OVCH1: variants seen among roughly 807,000 people sequenced by gnomAD.
OVCH1 encodes ovochymase 1.
OVCH1 carries 139 observed loss-of-function variants against 138.4 expected under a neutral mutation model. The ratio of observed to expected loss-of-function variants is 1.00; its 90% CI spans 0.87 to 1.16. OVCH1 has a LOEUF of 1.16. Among genes scored for constraint, OVCH1 ranks in the 50% most tolerant of loss-of-function variants. The pLI, the probability that OVCH1 is intolerant of heterozygous loss-of-function variation, is 0.00. For synonymous variants in OVCH1, 453 were observed against 467.8 expected, an observed-to-expected ratio of 0.97 and a Z score of 0.41; for missense variants, 1,367 against 1,357.9, an observed-to-expected ratio of 1.01 and a Z score of -0.11.
chr12:29,424,599 GCA>G (rs1204481714), downstream of OVCH1, among the ~76,000 whole-genome samples: 1 of 152,088 alleles, frequency 6.6e-6, no homozygotes, highest in Non-Finnish European at 1.5e-5. Context: ...GTGCTTACAG[GCA>G]CAGATTCTAA....
exon 5 of OVCH1, chr12:29,412,502 A>G (rs144838681): frequency 2.6e-5 from 4 of 152,306 alleles, no homozygotes; most frequent in Non-Finnish European, 5.9e-5. Context: ...CATTATTTTA[A>G]AAGACTTTTC....
At chr12:29,462,494 G>A (rs1009964338) in intron 18 of OVCH1, among the ~76,000 whole-genome samples, 6 of 150,236 alleles carry the variant, frequency 4.0e-5, no homozygotes, top group South Asian at 4.2e-4. Context: ...AAGCCTAATC[G>A]CATCTCCAAT....
chr12:29,441,344 A>G (rs1941480504), intron 25 of OVCH1, among the ~76,000 whole-genome samples: 1 of 152,194 alleles, frequency 6.6e-6, no homozygotes, highest in African/African-American at 2.4e-5. Context: ...ATCTTTGACA[A>G]ACCTGACAAA....
intron 12 of OVCH1, among the ~76,000 whole-genome samples, chr12:29,476,807 AGG>A (rs1942749863): frequency 3.1e-5 from 1 of 32,164 alleles, no homozygotes; most frequent in African/African-American, 1.5e-4. Flanking sequence ...ACACACACAC[AGG>A]TTAGTAAATG....
At chr12:29,413,037 T>C (rs1224700713) in intron 3 of OVCH1, among the ~76,000 whole-genome samples, 1 of 152,056 alleles carries the variant, frequency 6.6e-6, no homozygotes, top group Non-Finnish European at 1.5e-5. Context: ...TTTTTTTTTT[T>C]TTCTTTTGGA....
intron 18 of OVCH1, 97 bp from the exon 19 acceptor site, chr12:29,462,105 A>G: frequency 2.3e-6 from 3 of 1,332,568 alleles, no homozygotes; most frequent in South Asian, 1.4e-5. Context: ...GTACCAACAT[A>G]GCTGAAGTCA....
exon 25 of OVCH1, chr12:29,443,448 T>C: frequency 6.2e-7 from 1 of 1,611,042 alleles, no homozygotes; most frequent in Non-Finnish European, 8.5e-7. Flanking sequence ...GGGAAGTTAA[T>C]AATATTAAGC....
chr12:29,488,620 C>CAAAAAAAAAAAAAAAAAGAAAAAAA (rs1943183497), intron 6 of OVCH1, among the ~76,000 whole-genome samples: 1 of 61,752 alleles, frequency 1.6e-5, no homozygotes, highest in Non-Finnish European at 2.9e-5. Context: ...GACTCCATCT[C>CAAAAAAAAAAAAAAAAAGAAAAAAA]AAAAAAAAAA....
At chr12:29,481,170 C>G (rs961049674) in intron 8 of OVCH1, among the ~76,000 whole-genome samples, 2 of 151,946 alleles carry the variant, frequency 1.3e-5, no homozygotes, top group Non-Finnish European at 2.9e-5. Flanking sequence ...TAATTTTTTA[C>G]CTCTCCCTAC....
intron 3 of OVCH1, among the ~76,000 whole-genome samples, chr12:29,422,511 T>C (rs1941119878): frequency 6.6e-6 from 1 of 152,088 alleles, no homozygotes; most frequent in South Asian, 2.1e-4. Flanking sequence ...ATTAATTAGG[T>C]TTTTAATTGA....
At chr12:29,474,068 C>T (rs1416050445) in intron 14 of OVCH1, among the ~76,000 whole-genome samples, 2 of 116,470 alleles carry the variant, frequency 1.7e-5, no homozygotes, top group African/African-American at 3.5e-5. Context: ...TAAACACACA[C>T]ACACATACAC....
chr12:29,424,094 C>G (rs911427549), downstream of OVCH1, among the ~76,000 whole-genome samples: 2 of 152,114 alleles, frequency 1.3e-5, no homozygotes, highest in African/African-American at 4.8e-5. Flanking sequence ...CTGAGAGCCT[C>G]AAACAGAGAT....
chr12:29,404,774 G>C, the OVCH1 span, among the ~76,000 whole-genome samples: 1 of 152,050 alleles, frequency 6.6e-6, no homozygotes, highest in Non-Finnish European at 1.5e-5. Flanking sequence ...TGTAATTCCA[G>C]CACTTTGGGA....
chr12:29,470,478 C>T (rs1942466804), intron 16 of OVCH1, among the ~76,000 whole-genome samples: 1 of 152,054 alleles, frequency 6.6e-6, no homozygotes, highest in Non-Finnish European at 1.5e-5. Context: ...GTTTGGTTTT[C>T]TGTTCCTGTG....
intron 3 of OVCH1, among the ~76,000 whole-genome samples, chr12:29,418,711 C>T (rs1051557752): frequency 6.6e-6 from 1 of 152,182 alleles, no homozygotes; most frequent in African/African-American, 2.4e-5. Flanking sequence ...CAAATCACTG[C>T]TTCCCATGTT....
chr12:29,403,049 C>G, the OVCH1 span, among the ~76,000 whole-genome samples: 2 of 152,094 alleles, frequency 1.3e-5, no homozygotes, highest in Non-Finnish European at 1.5e-5. Context: ...GGAAACATAC[C>G]ATTTTGTTCG....
chr12:29,416,018 C>T (rs1321102270), intron 3 of OVCH1, among the ~76,000 whole-genome samples: 1 of 148,360 alleles, frequency 6.7e-6, no homozygotes. Flanking sequence ...GGCAAAGGCA[C>T]AAAAGCAATT....
chr12:29,459,216 A>C (rs993261068), intron 19 of OVCH1, among the ~76,000 whole-genome samples: 2 of 152,218 alleles, frequency 1.3e-5, no homozygotes, highest in African/African-American at 4.8e-5. Flanking sequence ...ACAATGACCA[A>C]GATTTGGAAG....
At chr12:29,438,564 G>T (rs879710441) in intron 26 of OVCH1, among the ~76,000 whole-genome samples, 15 of 152,026 alleles carry the variant, frequency 9.9e-5, no homozygotes, top group Non-Finnish European at 2.9e-5. Context: ...TTGGAACATG[G>T]TACTTTTATC....
Sources: allele counts gnomAD v4.1 joint callset (sites outside exome capture counted in the v4.1 genomes callset), GRCh38; gene constraint gnomAD v4.1.1; transcripts MANE v1.5; gene names NCBI Gene and HGNC (gene_info 2026-07-23, HGNC 2026-07-21).